Variants in HSD17B14 observed in about 807,000 individuals in gnomAD.
HSD17B14 encodes L-fucose dehydrogenase.
Under a neutral mutation model 32.2 loss-of-function variants are expected in HSD17B14, and 32 were observed. That is an observed-to-expected ratio of 0.99 (90% CI 0.75 to 1.33). The LOEUF (loss-of-function observed/expected upper bound fraction) is 1.33, where lower values mean the gene tolerates loss of function less well. HSD17B14 is among the 40% of genes most tolerant of loss of function. The probability of loss-of-function intolerance (pLI) is 0.00; values close to 1 mark genes in which losing one functional copy is unlikely to be tolerated. For missense variants in HSD17B14, 370 were observed against 366.5 expected (o/e 1.01, Z -0.08); for synonymous variants, 140 against 155.4 (o/e 0.90, Z 0.74).
intron 5 of HSD17B14, among the ~76,000 whole-genome samples, chr19:48,827,011 T>C (rs764679768): frequency 2.0e-5 from 3 of 151,770 alleles, no homozygotes; most frequent in Non-Finnish European, 4.4e-5. Context: ...GTTGCTCAGT[T>C]GCTGGAGGTG....
chr19:48,813,808 A>AG (rs986154691), intron 6 of HSD17B14, 78 bp from the exon 7 acceptor site: 4 of 1,523,008 alleles, frequency 2.6e-6, no homozygotes, highest in Non-Finnish European at 2.7e-6. Flanking sequence ...CCTGCCAGCC[A>AG]GGGGGGCATC....
chr19:48,815,015 G>A (rs778790302), intron 6 of HSD17B14, 22 bp downstream of exon 6: 14 of 1,572,578 alleles, frequency 8.9e-6, no homozygotes, highest in Non-Finnish European at 1.2e-5. Context: ...GGGAGGGAAG[G>A]AAGGGGTAGG....
intron 3 of HSD17B14, 121 bp downstream of exon 3, chr19:48,834,152 TGAC>T: frequency 1.3e-6 from 1 of 746,776 alleles, no homozygotes; most frequent in East Asian, 2.6e-5. Flanking sequence ...TGGAAACCTT[TGAC>T]GAGTCCAGCG....
intron 5 of HSD17B14, among the ~76,000 whole-genome samples, chr19:48,824,613 A>C (rs918956932): frequency 1.3e-5 from 2 of 151,652 alleles, no homozygotes. Flanking sequence ...TACTAAAAAA[A>C]AAATTAGCCC....
intron 5 of HSD17B14, among the ~76,000 whole-genome samples, chr19:48,818,325 GA>G (rs1568518158): frequency 3.5e-5 from 3 of 86,086 alleles, no homozygotes; most frequent in Non-Finnish European, 5.0e-5. Flanking sequence ...AAAGAAAAAA[GA>G]AAAAAGAAAA....
At chr19:48,835,389 G>C (rs1444481257) in intron 2 of HSD17B14, among the ~76,000 whole-genome samples, 7 of 134,624 alleles carry the variant, frequency 5.2e-5, no homozygotes, top group Admixed American at 5.2e-4. Context: ...TGGACTCCTG[G>C]GTCTGAGAAA....
chr19:48,815,813 G>C (rs977758024), intron 5 of HSD17B14, among the ~76,000 whole-genome samples: 1 of 152,008 alleles, frequency 6.6e-6, no homozygotes, highest in Non-Finnish European at 1.5e-5. Context: ...TCTGAGGTCA[G>C]AATTTTGAGA....
At chr19:48,827,690 A>T (rs2035273453) in intron 5 of HSD17B14, among the ~76,000 whole-genome samples, 1 of 151,720 alleles carries the variant, frequency 6.6e-6, no homozygotes, top group African/African-American at 2.4e-5. Flanking sequence ...GGTGCTCACC[A>T]CCATGCCCAG....
chr19:48,813,617 A>C (rs372564188), intron 7 of HSD17B14, 46 bp downstream of exon 7: 92 of 1,612,456 alleles, frequency 5.7e-5, no homozygotes, highest in African/African-American at 3.5e-4. Flanking sequence ...ACTCCCAGTC[A>C]CCCCAGTCCC....
intron 2 of HSD17B14, 134 bp from the exon 3 acceptor site, chr19:48,834,492 G>GGCC (rs1177002581): frequency 5.9e-5 from 26 of 441,556 alleles, no homozygotes; most frequent in East Asian, 3.1e-4. Context: ...AGGGGCTGAG[G>GGCC]TCTGGACTCC....
chr19:48,836,318 G>T lies in HSD17B14; in HGVS notation c.88+6C>A, dbSNP rs769310990. 4 of 1,613,136 alleles carry T rather than the reference G, an allele frequency of 2.5e-6. No individual in the cohort carries two copies. The Admixed American group carries it at 6.7e-5, about 27-fold the overall frequency. On this transcript the variant is annotated splice_donor_region_variant and intron_variant, in intron 1 of 8. Transcript: ENST00000263278. ...CCACAGCTCCCAGCAGTCAGACCCG[G>T]CTCACCGAAGGCGCGCACGATCCCA...
chr19:48,818,954 C>G (rs756081745), intron 5 of HSD17B14, among the ~76,000 whole-genome samples: 14 of 152,110 alleles, frequency 9.2e-5, no homozygotes, highest in Non-Finnish European at 1.9e-4. Flanking sequence ...TGAAGGCCCC[C>G]ACTTCTCCCT....
intron 5 of HSD17B14, among the ~76,000 whole-genome samples, chr19:48,825,961 C>T (rs1218072039): frequency 6.6e-6 from 1 of 152,068 alleles, no homozygotes; most frequent in Non-Finnish European, 1.5e-5. Context: ...GCTGGGACTA[C>T]AGGCACCCGC....
intron 6 of HSD17B14, among the ~76,000 whole-genome samples, chr19:48,814,349 G>T (rs922432204): frequency 9.9e-5 from 15 of 150,900 alleles, no homozygotes; most frequent in African/African-American, 3.7e-4. Context: ...GTGAAATCTC[G>T]TCTCTACTAA....
At position 48,832,749 on chromosome 19, in the gene HSD17B14, T is replaced by C; in HGVS notation, c.211-17A>G. ...AACCAGGGTCTGAGGAGAAAGGAAATGTCCTTTGTTTTTTTTTTTTGGAGA... is the reference window on the plus strand; with the variant it reads ...AACCAGGGTCTGAGGAGAAAGGAAACGTCCTTTGTTTTTTTTTTTTGGAGA... On this transcript the variant is annotated splice_polypyrimidine_tract_variant and intron_variant, in intron 3 of 8. Transcript: ENST00000263278. The C allele has an allele frequency of 6.3e-7, 1 of 1,598,532 alleles. No individual in the cohort carries two copies. Among genetic ancestry groups the C allele is most frequent in the Non-Finnish European group, 8.5e-7 (1 of 1,173,698 alleles).
chr19:48,834,562 G>GA (rs2035433899), intron 2 of HSD17B14, among the ~76,000 whole-genome samples: 1 of 80,800 alleles, frequency 1.2e-5, no homozygotes, highest in Admixed American at 1.1e-4. Flanking sequence ...AGGAAGGGCT[G>GA]GGAGCCTGGA....
intron 6 of HSD17B14, 84 bp from the exon 7 acceptor site, chr19:48,813,814 G>C (rs1333614235): frequency 1.4e-6 from 2 of 1,465,008 alleles, no homozygotes; most frequent in South Asian, 1.1e-5. Context: ...AGCCAGGGGG[G>C]CATCAGAATG....
chr19:48,830,785 A>AGTGCTGGG (rs1476638823), intron 5 of HSD17B14, among the ~76,000 whole-genome samples: 18 of 152,054 alleles, frequency 1.2e-4, no homozygotes, highest in African/African-American at 3.4e-4. Flanking sequence ...GGCCTCCCAA[A>AGTGCTGGG]GTGCTGGGAT....
chr19:48,833,398 C>G (rs1351351600), intron 3 of HSD17B14, among the ~76,000 whole-genome samples: 1 of 152,128 alleles, frequency 6.6e-6, no homozygotes, highest in Non-Finnish European at 1.5e-5. Context: ...GAGAAAAAAT[C>G]AGTTACATAC....
Sources: gnomAD v4.1 joint callset for allele counts (sites outside exome capture counted in the v4.1 genomes callset) on GRCh38, gnomAD v4.1.1 for gene constraint, MANE v1.5 for transcripts, NCBI Gene and HGNC (gene_info 2026-07-23, HGNC 2026-07-21) for gene names.